Variants in UBR2 observed in about 807,000 individuals in gnomAD.
UBR2 encodes the protein E3 ubiquitin-protein ligase UBR2.
UBR2 carries 92 observed loss-of-function variants against 247.9 expected under a neutral mutation model. That is an observed-to-expected ratio of 0.37 (90% CI 0.31 to 0.44). The LOEUF is 0.44. UBR2 is among the 20% of genes least tolerant of loss of function. The pLI is 1.00. For synonymous variants in UBR2, 672 were observed against 693.5 expected (o/e 0.97, Z 0.49); for missense variants, 1,613 against 2,112.6 (o/e 0.76, Z 4.64).
Position 42,665,400 on chromosome 6 carries a change from CT to C in UBR2, c.3699-5del. ...TAAAACACTAAATACTCTCTATAAT[CT>C]TTTCTAGCAGGTTAAATTTTTCAGA... On this transcript the variant is annotated splice_region_variant and splice_polypyrimidine_tract_variant and intron_variant, in intron 32 of 46. Transcript: ENST00000372901. 6.3e-7 allele frequency: 1 copy of C among 1,593,452 alleles called. No individual in the cohort carries two copies. Among genetic ancestry groups the C allele is most frequent in the Non-Finnish European group, 8.6e-7 (1 of 1,163,270 alleles).
intron 28 of UBR2, 139 bp downstream of exon 28, chr6:42,658,459 G>A: frequency 9.0e-7 from 1 of 1,115,506 alleles, no homozygotes; most frequent in Non-Finnish European, 1.2e-6. Context: ...ATCTCTATTT[G>A]TTGTAGCAAT....
chr6:42,564,496 T>C, intron 1 of UBR2, 99 bp downstream of exon 1: 1 of 1,365,010 alleles, frequency 7.3e-7, no homozygotes, highest in Non-Finnish European at 1.0e-6. Flanking sequence ...CGACCCAGAC[T>C]TGGGGAAACA....
At chr6:42,640,385 TG>T (rs1796355849) in intron 16 of UBR2, 115 bp downstream of exon 16, 3 of 77,176 alleles carry the variant, frequency 3.9e-5, no homozygotes, top group African/African-American at 2.3e-4. Flanking sequence ...ACCAGTAAGG[TG>T]TGTGTGTGTG....
chr6:42,624,635 A>G (rs1795218988), intron 11 of UBR2, among the ~76,000 whole-genome samples: 1 of 152,052 alleles, frequency 6.6e-6, no homozygotes, highest in African/African-American at 2.4e-5. Context: ...GTTTTCAAGT[A>G]TAATTTGGTG....
chr6:42,671,616 C>T (rs1798448810), intron 36 of UBR2, among the ~76,000 whole-genome samples: 1 of 152,196 alleles, frequency 6.6e-6, no homozygotes, highest in South Asian at 2.1e-4. Context: ...TTTGAAACCT[C>T]TACTTAATTG....
chr6:42,646,497 A>G (rs1384328942), intron 21 of UBR2, among the ~76,000 whole-genome samples: 1 of 152,088 alleles, frequency 6.6e-6, no homozygotes, highest in African/African-American at 2.4e-5. Flanking sequence ...TATATTTACC[A>G]TTTCATCTAT....
intron 25 of UBR2, 25 bp downstream of exon 25, chr6:42,652,670 T>C: frequency 6.3e-7 from 1 of 1,583,096 alleles, no homozygotes; most frequent in Non-Finnish European, 8.6e-7. Context: ...ATTTATTATT[T>C]ATATTTTAGT....
chr6:42,676,220 G>A (rs953540931), intron 39 of UBR2, 29 bp downstream of exon 39: 1 of 1,535,226 alleles, frequency 6.5e-7, no homozygotes, highest in Non-Finnish European at 8.7e-7. Flanking sequence ...TCAGTTTCTT[G>A]AAGGAAATAC....
At chr6:42,647,826 T>G (rs9381204) in intron 21 of UBR2, among the ~76,000 whole-genome samples, 1 of 152,322 alleles carries the variant, frequency 6.6e-6, no homozygotes, top group East Asian at 1.9e-4. Context: ...TTAATTCCTT[T>G]AGAAAGCTCT....
chr6:42,691,448 C>T lies in UBR2; in HGVS notation c.*275C>T. 2.3e-6 allele frequency: 1 copy of T among 441,088 alleles called. No homozygotes were observed. Among genetic ancestry groups the T allele is most frequent in the East Asian group, 4.8e-5 (1 of 20,728 alleles). 27.3% of individuals were successfully genotyped at this position (441,088 alleles called of 1,614,324 possible). ...TGGATCCCAGCCCCTTTGTGGGGGT[C>T]TGACTGCATAGTCCCAGCCATTATG... is the stretch of plus-strand genomic sequence containing the variant. On this transcript the variant is annotated 3_prime_UTR_variant, in exon 47 of 47. Transcript: ENST00000372901.
chr6:42,644,589 G>A (rs1396865058), intron 20 of UBR2, 53 bp downstream of exon 20: 67 of 1,482,310 alleles, frequency 4.5e-5, no homozygotes, highest in Non-Finnish European at 5.8e-5. Context: ...GTTTATAGTA[G>A]CAAATAGTTT....
At chr6:42,586,242 G>A (rs145379415) in intron 2 of UBR2, among the ~76,000 whole-genome samples, 373 of 151,884 alleles carry the variant, frequency 2.5e-3, no homozygotes, top group African/African-American at 8.7e-3. Context: ...ACATAGTGGA[G>A]CACACCTGTA....
Position 42,679,834 on chromosome 6 carries a change from T to A in UBR2, c.4718+2T>A, listed in dbSNP as rs1378770953. On this transcript the variant is annotated splice_donor_variant, in intron 42 of 46. Coordinates refer to ENST00000372901, the MANE Select transcript of UBR2 (RefSeq NM_001363705.2). LOFTEE classifies it high-confidence loss of function. ...GATAATGAATTCACTGATTGAAAGG[T>A]AATGATTATATACTTTTCTTTGTTG... 3 of 1,593,550 alleles carry A rather than the reference T, an allele frequency of 1.9e-6. No individual in the cohort carries two copies. The highest frequency in any genetic ancestry group is 2.6e-6 in the Non-Finnish European group (3 of 1,163,392).
chr6:42,665,405 C>T lies in UBR2; in HGVS notation c.3699-4C>T. 6.2e-7 allele frequency: 1 copy of T among 1,601,174 alleles called. No homozygotes were observed. ...CACTAAATACTCTCTATAATCTTTTCTAGCAGGTTAAATTTTTCAGACCAA... is the reference window on the plus strand; with the variant it reads ...CACTAAATACTCTCTATAATCTTTTTTAGCAGGTTAAATTTTTCAGACCAA... On this transcript the variant is annotated splice_polypyrimidine_tract_variant and splice_region_variant and intron_variant, in intron 32 of 46. Coordinates refer to ENST00000372901, the MANE Select transcript of UBR2 (RefSeq NM_001363705.2).
chr6:42,589,161 G>A (rs886066858), intron 2 of UBR2, among the ~76,000 whole-genome samples: 2 of 152,060 alleles, frequency 1.3e-5, no homozygotes, highest in Non-Finnish European at 2.9e-5. Context: ...TGCAGAGATG[G>A]AGTCTTAGTT....
intron 1 of UBR2, 42 bp downstream of exon 1, chr6:42,564,439 G>C (rs1197896259): frequency 1.3e-6 from 2 of 1,587,912 alleles, no homozygotes; most frequent in African/African-American, 2.7e-5. Context: ...CCCCTCGCAG[G>C]CCGCGCCTGT....
At chr6:42,585,384 C>T (rs1254828895) in intron 2 of UBR2, among the ~76,000 whole-genome samples, 1 of 152,052 alleles carries the variant, frequency 6.6e-6, no homozygotes, top group East Asian at 1.9e-4. Context: ...ATAGAATATA[C>T]CCATCTGGCA....
At chr6:42,614,416 G>GTACATACATACGTATGTATGTATT (rs1794389240) in intron 8 of UBR2, among the ~76,000 whole-genome samples, 3 of 43,006 alleles carry the variant, frequency 7.0e-5, no homozygotes, top group African/African-American at 1.5e-4. Context: ...ATGTATGTAC[G>GTACATACATACGTATGTATGTATT]TACGTACATA....
chr6:42,627,424 A>G, intron 11 of UBR2, among the ~76,000 whole-genome samples: 1 of 152,166 alleles, frequency 6.6e-6, no homozygotes, highest in Non-Finnish European at 1.5e-5. Context: ...TTGGTTTTAC[A>G]AACGCAGTCT....
Sources: gnomAD v4.1 joint callset for allele counts (sites outside exome capture counted in the v4.1 genomes callset) on GRCh38, gnomAD v4.1.1 for gene constraint, MANE v1.5 for transcripts, NCBI Gene and HGNC (gene_info 2026-07-23, HGNC 2026-07-21) for gene names.